Variants in BBS9 observed in about 807,000 individuals in gnomAD.
BBS9 encodes the protein Bardet-Biedl syndrome 9, also known as protein PTHB1.
A neutral mutation model predicts 117.7 loss-of-function variants in BBS9; 89 were observed. The observed-to-expected ratio is 0.76, with a 90% CI of 0.64 to 0.90. BBS9 has a LOEUF of 0.90. Ranked by LOEUF, BBS9 falls within the 40% of genes least tolerant of loss-of-function variation. The pLI, the probability that BBS9 is intolerant of heterozygous loss-of-function variation, is 0.00. For missense variants in BBS9, 982 were observed against 1,042.2 expected (o/e 0.94, Z 0.80); for synonymous variants, 379 against 370.9 (o/e 1.02, Z -0.25).
intron 21 of BBS9, among the ~76,000 whole-genome samples, chr7:33,582,244 A>G (rs1174705393): frequency 6.6e-6 from 1 of 152,190 alleles, no homozygotes; most frequent in Non-Finnish European, 1.5e-5. Flanking sequence ...ACTAGGAGGC[A>G]GAGGTGTTCC....
chr7:33,213,178 C>T (rs1290560124), intron 5 of BBS9, among the ~76,000 whole-genome samples: 1 of 152,230 alleles, frequency 6.6e-6, no homozygotes, highest in Non-Finnish European at 1.5e-5. Flanking sequence ...TGCGGCTAAG[C>T]TGGCACTCAA....
chr7:33,375,332 TAAA>T (rs994787352), intron 17 of BBS9, among the ~76,000 whole-genome samples: 2 of 152,144 alleles, frequency 1.3e-5, no homozygotes, highest in African/African-American at 4.8e-5. Flanking sequence ...GGGCACGTTT[TAAA>T]ATACAGGTTC....
chr7:33,376,529 A>G (rs1315778860), intron 17 of BBS9, among the ~76,000 whole-genome samples: 1 of 152,152 alleles, frequency 6.6e-6, no homozygotes, highest in East Asian at 1.9e-4. Context: ...TTTATGGTAG[A>G]ACGATTTATA....
At chr7:33,162,962 G>A (rs1795089555) in intron 4 of BBS9, among the ~76,000 whole-genome samples, 1 of 152,232 alleles carries the variant, frequency 6.6e-6, no homozygotes, top group Admixed American at 6.5e-5. Context: ...TATTGGCTGT[G>A]GGTTTCTCAT....
intron 21 of BBS9, among the ~76,000 whole-genome samples, chr7:33,594,921 T>C (rs963809668): frequency 6.6e-6 from 1 of 152,128 alleles, no homozygotes; most frequent in Non-Finnish European, 1.5e-5. Flanking sequence ...CCATTTCATC[T>C]TGGACAAACC....
chr7:33,264,914 C>T (rs1009551587), intron 7 of BBS9, among the ~76,000 whole-genome samples: 5 of 151,764 alleles, frequency 3.3e-5, no homozygotes, highest in Admixed American at 1.3e-4. Context: ...GGCATGCGAC[C>T]GAATATATAA....
chr7:33,268,484 C>T (rs775717323), intron 7 of BBS9, among the ~76,000 whole-genome samples: 2 of 152,174 alleles, frequency 1.3e-5, no homozygotes, highest in African/African-American at 4.8e-5. Flanking sequence ...CCACTCACCT[C>T]GTTTGTTTTC....
At chr7:33,559,921 T>C (rs989868239) in intron 21 of BBS9, among the ~76,000 whole-genome samples, 2 of 152,130 alleles carry the variant, frequency 1.3e-5, no homozygotes, top group Admixed American at 1.3e-4. Flanking sequence ...ATATTATTCC[T>C]CTGCCCAGGA....
chr7:33,502,129 C>A (rs563078229), intron 19 of BBS9, among the ~76,000 whole-genome samples: 1 of 152,106 alleles, frequency 6.6e-6, no homozygotes, highest in Admixed American at 6.5e-5. Flanking sequence ...AGGCTGCTCT[C>A]GAATGCCTGA....
At chr7:33,136,634 C>T (rs1359682714) in intron 1 of BBS9, among the ~76,000 whole-genome samples, 1 of 152,088 alleles carries the variant, frequency 6.6e-6, no homozygotes, top group Non-Finnish European at 1.5e-5. Context: ...TAACTCATTT[C>T]TGGATGTTAA....
At chr7:33,135,181 C>T (rs1292056771) in intron 1 of BBS9, among the ~76,000 whole-genome samples, 1 of 152,212 alleles carries the variant, frequency 6.6e-6, no homozygotes, top group East Asian at 1.9e-4. Flanking sequence ...CATTAGCCAC[C>T]ATGCCTTGCC....
Position 33,417,003 on chromosome 7 carries a change from A to T in BBS9, c.2115+28859A>T, listed in dbSNP as rs183491039. Among the ~76,000 whole-genome samples the T allele has an allele frequency of 2.5e-4, 38 of 152,322 alleles. No individual in the cohort carries two copies. In the East Asian group the frequency reaches 7.3e-3, roughly 29 times the overall value. The stretch of plus-strand genomic sequence containing the variant: ...ATAGGTGAGACAGTCAGAAAAGTAT[A>T]CAAAATGTAATTGAAATGGTTTCTC... On this transcript the variant is annotated intron_variant, in intron 19 of 22. Coordinates refer to ENST00000242067, the MANE Select transcript of BBS9 (RefSeq NM_198428.3).
At chr7:33,496,658 A>T (rs1228756270) in intron 19 of BBS9, among the ~76,000 whole-genome samples, 1 of 152,224 alleles carries the variant, frequency 6.6e-6, no homozygotes, top group Non-Finnish European at 1.5e-5. Flanking sequence ...TATAATAGCA[A>T]AAACAGCTAA....
At chr7:33,176,423 G>A (rs897346830) in intron 4 of BBS9, among the ~76,000 whole-genome samples, 1 of 152,028 alleles carries the variant, frequency 6.6e-6, no homozygotes, top group Admixed American at 6.5e-5. Context: ...CTAAAAGTCT[G>A]GTTTGAATAC....
chr7:33,416,234 G>A (rs774387030), intron 19 of BBS9, among the ~76,000 whole-genome samples: 17 of 151,408 alleles, frequency 1.1e-4, no homozygotes, highest in Non-Finnish European at 2.1e-4. Context: ...TGGCCATACG[G>A]GACCTGCATT....
Position 33,288,326 on chromosome 7 carries a change from A to G in BBS9, c.1016+14370A>G, listed in dbSNP as rs145317321. Among the ~76,000 whole-genome samples the G allele has an allele frequency of 1.8e-3, 276 of 152,220 alleles. 2 individuals are homozygous for G. The highest frequency in any genetic ancestry group is 2.1e-3 in the East Asian group (11 of 5,182). On this transcript the variant is annotated intron_variant, in intron 9 of 22. Transcript: ENST00000242067. ...AACCTTTTTGTGTCCACACTACTTA[A>G]TTCTCTTGGTTGTGAGACAAAAAAC...
intron 19 of BBS9, among the ~76,000 whole-genome samples, chr7:33,406,767 C>T (rs1830076376): frequency 6.6e-6 from 1 of 152,180 alleles, no homozygotes; most frequent in Admixed American, 6.5e-5. Flanking sequence ...TTGGCCCCCA[C>T]TCTCTTCTGG....
Position 33,410,623 on chromosome 7 carries a change from G to T in BBS9, c.2115+22479G>T, listed in dbSNP as rs77970111. Among the ~76,000 whole-genome samples the T allele has an allele frequency of 3.8e-3, 579 of 152,216 alleles. 10 individuals are homozygous for T. Among genetic ancestry groups the T allele is most frequent in the East Asian group, 0.021 (111 of 5,174 alleles). ...TACATCTATTCCCAACTTTCCTGCT[G>T]TCCTTCTTGTCTCAAAGGATCAGGT... is the stretch of plus-strand genomic sequence containing the variant. On this transcript the variant is annotated intron_variant, in intron 19 of 22. Coordinates refer to ENST00000242067, the MANE Select transcript of BBS9 (RefSeq NM_198428.3).
intron 13 of BBS9, among the ~76,000 whole-genome samples, chr7:33,350,166 A>G (rs923202932): frequency 7.9e-5 from 12 of 151,730 alleles, no homozygotes; most frequent in African/African-American, 2.7e-4. Context: ...TTCTTTTTTT[A>G]GTTTACTATA....
Sources: gnomAD v4.1 joint callset for allele counts (sites outside exome capture counted in the v4.1 genomes callset) on GRCh38, gnomAD v4.1.1 for gene constraint, MANE v1.5 for transcripts, NCBI Gene and HGNC (gene_info 2026-07-23, HGNC 2026-07-21) for gene names.